The following THSD7B variants were observed in gnomAD, a reference collection of about 807,000 sequenced individuals.
The protein encoded by THSD7B is thrombospondin type-1 domain-containing protein 7B.
In THSD7B, 138 loss-of-function variants were observed where a neutral mutation model predicts 213.6. The ratio of observed to expected loss-of-function variants is 0.65; its 90% CI spans 0.56 to 0.74. The LOEUF (loss-of-function observed/expected upper bound fraction) is 0.74, where lower values mean the gene tolerates loss of function less well. Ranked by LOEUF, THSD7B falls within the 30% of genes least tolerant of loss-of-function variation. The probability of loss-of-function intolerance (pLI) is 0.00; values close to 1 mark genes in which losing one functional copy is unlikely to be tolerated. For synonymous variants in THSD7B, 742 were observed against 687.0 expected (o/e 1.08, Z -1.25); for missense variants, 1,931 against 1,991.5 (o/e 0.97, Z 0.58).
chr2:137,406,191 A>T (rs1686512838), intron 13 of THSD7B, among the ~76,000 whole-genome samples: 1 of 152,180 alleles, frequency 6.6e-6, no homozygotes, highest in South Asian at 2.1e-4. Flanking sequence ...TCAAAAACAG[A>T]TCTAACTGAC....
intron 12 of THSD7B, among the ~76,000 whole-genome samples, chr2:137,354,896 A>T (rs953232208): frequency 1.7e-4 from 26 of 151,580 alleles, no homozygotes; most frequent in Non-Finnish European, 2.8e-4. Flanking sequence ...TTTTCATTTT[A>T]TCTAAAATTA....
At chr2:137,578,396 T>C (rs1681507771) in intron 17 of THSD7B, among the ~76,000 whole-genome samples, 1 of 152,216 alleles carries the variant, frequency 6.6e-6, no homozygotes, top group South Asian at 2.1e-4. Context: ...CTGCAAGATG[T>C]ACATATTCTA....
chr2:136,842,235 A>G (rs1483222230), intron 1 of THSD7B, among the ~76,000 whole-genome samples: 2 of 152,238 alleles, frequency 1.3e-5, no homozygotes, highest in African/African-American at 4.8e-5. Flanking sequence ...CTTGGAAAAA[A>G]AGAACTGCGC....
intron 1 of THSD7B, among the ~76,000 whole-genome samples, chr2:136,786,878 A>G (rs1250661795): frequency 6.6e-6 from 1 of 152,180 alleles, no homozygotes; most frequent in East Asian, 1.9e-4. Flanking sequence ...TTTTGAATCA[A>G]AAGGAATGTT....
chr2:137,425,141 T>C (rs1346906270), intron 14 of THSD7B, among the ~76,000 whole-genome samples: 1 of 151,216 alleles, frequency 6.6e-6, no homozygotes, highest in Non-Finnish European at 1.5e-5. Flanking sequence ...ATAGAAACCA[T>C]ATTCTATAAC....
In THSD7B at chr2:137,536,159, G is replaced by A. The variant is rs149044949; in HGVS notation, c.3139-27062G>A. ...TCATGGCCTGTTAGGGGGCCCTGCC[G>A]TGTTTTGAGTAGGAGACTGAATTGG... On this transcript the variant is annotated intron_variant, in intron 15 of 27. Coordinates refer to ENST00000409968, the MANE Select transcript of THSD7B (RefSeq NM_001316349.2). 8.8e-4 allele frequency among the ~76,000 whole-genome samples: 132 copies of A among 150,218 alleles called. 1 individual carries two copies. Among genetic ancestry groups the A allele is most frequent in the African/African-American group, 2.7e-3 (111 of 41,176 alleles).
chr2:137,239,902 G>T (rs921200613), intron 9 of THSD7B, among the ~76,000 whole-genome samples: 1 of 152,204 alleles, frequency 6.6e-6, no homozygotes, highest in Non-Finnish European at 1.5e-5. Flanking sequence ...CCCTCTTGCT[G>T]GTTTGCAGAT....
At chr2:137,422,205 G>A (rs1317740222) in intron 14 of THSD7B, among the ~76,000 whole-genome samples, 1 of 152,084 alleles carries the variant, frequency 6.6e-6, no homozygotes, top group Non-Finnish European at 1.5e-5. Context: ...AAAACTATTG[G>A]GCAAAATATT....
intron 17 of THSD7B, among the ~76,000 whole-genome samples, chr2:137,586,034 T>TATA (rs377622958): frequency 2.0e-5 from 3 of 152,014 alleles, no homozygotes; most frequent in African/African-American, 7.2e-5. Flanking sequence ...ATTGGGTGCA[T>TATA]TATATTTAGG....
chr2:137,526,013 C>T (rs963764414), intron 15 of THSD7B, among the ~76,000 whole-genome samples: 2 of 152,060 alleles, frequency 1.3e-5, no homozygotes, highest in Admixed American at 6.6e-5. Flanking sequence ...TCTTCAGCTG[C>T]AGATATCTCA....
intron 5 of THSD7B, among the ~76,000 whole-genome samples, chr2:137,117,145 T>C (rs984085500): frequency 6.6e-6 from 1 of 152,134 alleles, no homozygotes; most frequent in South Asian, 2.1e-4. Context: ...CTGCTTACCT[T>C]AGTAGTTGTT....
At chr2:137,190,294 G>A (rs34753211) in intron 7 of THSD7B, among the ~76,000 whole-genome samples, 6,907 of 152,224 alleles carry the variant, frequency 0.045, 197 homozygotes, top group Admixed American at 0.069. Context: ...GGATGTACCA[G>A]GCGCTTAGTG....
At position 137,023,198 on chromosome 2, in the gene THSD7B, C is replaced by T. The variant is rs535345195; in HGVS notation, c.140-33222C>T. ...CTCTCAAATTAGCAACCACTGGAAG[C>T]TGCTACCATTCCTAGACTTGGAGGG... is the stretch of plus-strand genomic sequence containing the variant. On this transcript the variant is annotated intron_variant, in intron 2 of 27. Coordinates refer to ENST00000409968, the MANE Select transcript of THSD7B (RefSeq NM_001316349.2). Among the ~76,000 whole-genome samples, 215 of 152,298 alleles carry T rather than the reference C, an allele frequency of 1.4e-3. 1 individual carries two copies. Among genetic ancestry groups the T allele is most frequent in the African/African-American group, 5.0e-3 (210 of 41,588 alleles).
intron 17 of THSD7B, among the ~76,000 whole-genome samples, chr2:137,604,183 G>T (rs559245348): frequency 6.6e-6 from 1 of 152,174 alleles, no homozygotes; most frequent in Admixed American, 6.5e-5. Context: ...ATTGCTCATA[G>T]CTTCCTGAAA....
chr2:137,036,734 G>A (rs1686782241), intron 2 of THSD7B, among the ~76,000 whole-genome samples: 1 of 152,150 alleles, frequency 6.6e-6, no homozygotes, highest in Non-Finnish European at 1.5e-5. Context: ...CAGATACAAG[G>A]TAACTTTTAA....
chr2:137,129,349 A>G (rs1031380082), intron 5 of THSD7B, among the ~76,000 whole-genome samples: 4 of 152,050 alleles, frequency 2.6e-5, no homozygotes, highest in African/African-American at 7.2e-5. Flanking sequence ...GCTGCAGTCA[A>G]TGTTATTTGT....
At chr2:137,470,350 A>G (rs1688068914) in intron 15 of THSD7B, among the ~76,000 whole-genome samples, 1 of 152,232 alleles carries the variant, frequency 6.6e-6, no homozygotes, top group Non-Finnish European at 1.5e-5. Flanking sequence ...GAGCAAAAGG[A>G]TAAACAGATT....
chr2:137,282,463 A>T (rs527607616), intron 12 of THSD7B, among the ~76,000 whole-genome samples: 483 of 152,232 alleles, frequency 3.2e-3, no homozygotes, highest in Non-Finnish European at 5.8e-3. Flanking sequence ...GGTGTTTTAG[A>T]CATGAAGTCC....
chr2:137,355,447 G>T (rs1685105023), intron 12 of THSD7B, among the ~76,000 whole-genome samples: 2 of 152,080 alleles, frequency 1.3e-5, no homozygotes, highest in South Asian at 4.1e-4. Flanking sequence ...CTTTTGTAAA[G>T]ATACGTCGTA....
Sources: gnomAD v4.1 joint callset for allele counts (sites outside exome capture counted in the v4.1 genomes callset) on GRCh38, gnomAD v4.1.1 for gene constraint, MANE v1.5 for transcripts, NCBI Gene and HGNC (gene_info 2026-07-23, HGNC 2026-07-21) for gene names.